The following FIBCD1 variants were observed in gnomAD, a reference collection of about 807,000 sequenced individuals.
FIBCD1 encodes the protein fibrinogen C domain-containing protein 1.
FIBCD1 carries 47 observed loss-of-function variants against 45.1 expected under a neutral mutation model. The ratio of observed to expected loss-of-function variants is 1.04; its 90% CI spans 0.82 to 1.33. FIBCD1 has a LOEUF of 1.33. FIBCD1 is among the 40% of genes most tolerant of loss of function. The pLI is 0.00. For missense variants in FIBCD1, 653 were observed against 682.2 expected (o/e 0.96, Z 0.48); for synonymous variants, 313 against 308.1 (o/e 1.02, Z -0.17).
chr9:130,905,201 C>A, intron 6 of FIBCD1, 33 bp downstream of exon 6: 3 of 1,593,972 alleles, frequency 1.9e-6, no homozygotes, highest in Non-Finnish European at 2.6e-6. Flanking sequence ...AGGCCGCCCC[C>A]CTTCCCCATC....
intron 4 of FIBCD1, among the ~76,000 whole-genome samples, chr9:130,912,199 T>C (rs1432031967): frequency 6.6e-6 from 1 of 151,284 alleles, no homozygotes; most frequent in Non-Finnish European, 1.5e-5. Flanking sequence ...CAAGGAAGGC[T>C]GAGCCCAGGA....
At chr9:130,921,501 G>A (rs538534640) in intron 4 of FIBCD1, among the ~76,000 whole-genome samples, 20 of 152,238 alleles carry the variant, frequency 1.3e-4, no homozygotes, top group Admixed American at 3.9e-4. Flanking sequence ...CCCCGGAACC[G>A]GGTGTCTGAG....
At position 130,939,199 on chromosome 9, in the gene FIBCD1, C is replaced by G. The variant is rs965583948; in HGVS notation, c.-592G>C. 2.6e-5 allele frequency: 4 copies of G among 152,030 alleles called. No homozygotes were observed. Among genetic ancestry groups the G allele is most frequent in the Admixed American group, 6.5e-5 (1 of 15,276 alleles). 9.4% of individuals were successfully genotyped at this position (152,030 alleles called of 1,614,324 possible). ...GCGGCGCCTCTGCACAAACTTCCTC[C>G]CGGACCGGACTCACACAAGTCACCA... is the stretch of plus-strand genomic sequence containing the variant. On this transcript the variant is annotated 5_prime_UTR_variant, in exon 1 of 7. Transcript: ENST00000372338.
intron 4 of FIBCD1, among the ~76,000 whole-genome samples, chr9:130,912,175 G>A (rs750541782): frequency 6.6e-6 from 1 of 152,198 alleles, no homozygotes; most frequent in African/African-American, 2.4e-5. Context: ...GGTGGCTCAT[G>A]CCCGGAATCC....
At chr9:130,937,050 C>T (rs1172696054) in intron 1 of FIBCD1, among the ~76,000 whole-genome samples, 2 of 151,842 alleles carry the variant, frequency 1.3e-5, no homozygotes, top group Non-Finnish European at 2.9e-5. Flanking sequence ...GGAAATGGAG[C>T]GGCGTGGTGT....
In FIBCD1 at chr9:130,938,618, G is replaced by A; in HGVS notation, c.-11C>T. 1 of 1,436,336 alleles carries A rather than the reference G, an allele frequency of 7.0e-7. No homozygotes were observed. Among genetic ancestry groups the A allele is most frequent in the Non-Finnish European group, 9.1e-7 (1 of 1,093,270 alleles). 89.0% of individuals were successfully genotyped at this position (1,436,336 alleles called of 1,614,324 possible). ...CCGGTCGTTGACCATCTTCCGGCAG[G>A]ACTGGCGGGGGCGCCGGGCGAGGCG... is the stretch of plus-strand genomic sequence containing the variant. On this transcript the variant is annotated 5_prime_UTR_variant, in exon 1 of 7. Coordinates refer to ENST00000372338, the MANE Select transcript of FIBCD1 (RefSeq NM_032843.5).
intron 4 of FIBCD1, among the ~76,000 whole-genome samples, chr9:130,919,816 G>A (rs1832228432): frequency 6.6e-6 from 1 of 152,206 alleles, no homozygotes; most frequent in African/African-American, 2.4e-5. Context: ...TCCTATCATG[G>A]CCACTCCAAG....
intron 5 of FIBCD1, among the ~76,000 whole-genome samples, chr9:130,908,844 A>T (rs1428660975): frequency 1.3e-5 from 2 of 152,080 alleles, no homozygotes; most frequent in Non-Finnish European, 2.9e-5. Context: ...CCCTGCTCTC[A>T]TGGGCCCCGG....
intron 5 of FIBCD1, among the ~76,000 whole-genome samples, chr9:130,905,815 C>T (rs1047457696): frequency 6.6e-6 from 1 of 152,204 alleles, no homozygotes; most frequent in African/African-American, 2.4e-5. Context: ...ATGCTGTTCC[C>T]TCTGCCAGGA....
intron 6 of FIBCD1, 74 bp from the exon 7 acceptor site, chr9:130,904,397 C>T (rs1307018864): frequency 1.3e-6 from 2 of 1,520,324 alleles, no homozygotes; most frequent in African/African-American, 2.8e-5. Context: ...TGTGAGCAGA[C>T]ACCGAGACAC....
At chr9:130,925,844 C>T (rs1466529107) in intron 2 of FIBCD1, among the ~76,000 whole-genome samples, 3 of 152,220 alleles carry the variant, frequency 2.0e-5, no homozygotes, top group Non-Finnish European at 4.4e-5. Context: ...CCTAACATGT[C>T]ACTTGCCAGA....
chr9:130,909,895 A>G (rs2133072870), intron 5 of FIBCD1, among the ~76,000 whole-genome samples: 1 of 152,368 alleles, frequency 6.6e-6, no homozygotes, highest in East Asian at 1.9e-4. Context: ...CAGTGGCAGG[A>G]AGGCGTGCGG....
In FIBCD1 at chr9:130,932,253, CG is replaced by C. The variant is rs569211674; in HGVS notation, c.73-2208del. Among the ~76,000 whole-genome samples the C allele has an allele frequency of 3.9e-4, 60 of 152,318 alleles. 2 individuals carry two copies. The highest frequency in any genetic ancestry group is 3.9e-3 in the South Asian group (19 of 4,826). ...AAATTCAAATTCCACAAGGACCTGC[CG>C]GATGACCTACTTGGCACCCGAAGAG... On this transcript the variant is annotated intron_variant, in intron 1 of 6. Coordinates refer to ENST00000372338, the MANE Select transcript of FIBCD1 (RefSeq NM_032843.5).
chr9:130,908,196 G>A (rs565512131), intron 5 of FIBCD1, among the ~76,000 whole-genome samples: 18 of 152,156 alleles, frequency 1.2e-4, no homozygotes, highest in Non-Finnish European at 2.5e-4. Context: ...TCCATGACTC[G>A]ATAGGAAAAG....
chr9:130,914,845 T>C (rs1832129675), intron 4 of FIBCD1, among the ~76,000 whole-genome samples: 1 of 152,222 alleles, frequency 6.6e-6, no homozygotes, highest in African/African-American at 2.4e-5. Context: ...GCGTCCCAGC[T>C]GATGGGATGA....
At chr9:130,930,171 G>A in intron 1 of FIBCD1, 125 bp from the exon 2 acceptor site, 1 of 1,228,708 alleles carries the variant, frequency 8.1e-7, no homozygotes. Flanking sequence ...GCGTGGCACA[G>A]AGACTGAGAT....
chr9:130,905,187 T>C (rs1391150385), intron 6 of FIBCD1, 47 bp downstream of exon 6: 33 of 1,577,132 alleles, frequency 2.1e-5, no homozygotes, highest in Admixed American at 5.2e-5. Context: ...TCCTCCATCC[T>C]CCCAGGCCGC....
chr9:130,908,353 T>C (rs933279235), intron 5 of FIBCD1, among the ~76,000 whole-genome samples: 11 of 152,146 alleles, frequency 7.2e-5, no homozygotes, highest in Non-Finnish European at 1.3e-4. Flanking sequence ...CAGCTGCTGA[T>C]AGATTTCAAT....
intron 1 of FIBCD1, chr9:130,930,679 G>A (rs1168579202): frequency 4.4e-6 from 2 of 450,066 alleles, no homozygotes; most frequent in African/African-American, 4.0e-5. Flanking sequence ...AGTAAGGGCT[G>A]GAGGTGGAGA....
Sources: gnomAD v4.1 joint callset for allele counts (sites outside exome capture counted in the v4.1 genomes callset) on GRCh38, gnomAD v4.1.1 for gene constraint, MANE v1.5 for transcripts, NCBI Gene and HGNC (gene_info 2026-07-23, HGNC 2026-07-21) for gene names.